The following MALRD1 variants were observed in gnomAD, a reference collection of about 807,000 sequenced individuals.
MALRD1 encodes the protein MAM and LDL receptor class A domain containing 1.
A neutral mutation model predicts 242.1 loss-of-function variants in MALRD1; 247 were observed. That is an observed-to-expected ratio of 1.02 (90% CI 0.92 to 1.13). The LOEUF is 1.13. Among genes scored for constraint, MALRD1 ranks in the 50% most tolerant of loss-of-function variants. MALRD1 has a pLI of 0.00. For missense variants in MALRD1, 2,989 were observed against 2,533.1 expected (o/e 1.18, Z -3.86); for synonymous variants, 995 against 866.6 (o/e 1.15, Z -2.60).
intron 26 of MALRD1, among the ~76,000 whole-genome samples, chr10:19,377,310 G>A (rs1845649640): frequency 6.6e-6 from 1 of 152,014 alleles, no homozygotes; most frequent in African/African-American, 2.4e-5. Context: ...TATATATTAA[G>A]TAAAAAATAA....
At chr10:19,210,189 T>C (rs549206303) in intron 18 of MALRD1, among the ~76,000 whole-genome samples, 2 of 152,376 alleles carry the variant, frequency 1.3e-5, no homozygotes, top group East Asian at 3.9e-4. Context: ...TTTCACCTGC[T>C]GTTTTCTAAA....
intron 18 of MALRD1, among the ~76,000 whole-genome samples, chr10:19,237,374 G>C (rs1838368018): frequency 6.7e-6 from 1 of 149,686 alleles, no homozygotes; most frequent in Non-Finnish European, 1.5e-5. Flanking sequence ...CCACATATGA[G>C]AGAGATCATG....
intron 28 of MALRD1, among the ~76,000 whole-genome samples, chr10:19,415,452 T>C (rs1833478991): frequency 1.3e-5 from 2 of 152,204 alleles, no homozygotes; most frequent in African/African-American, 4.8e-5. Flanking sequence ...TGATTTATCT[T>C]CATAAATAAT....
At chr10:19,386,054 A>G (rs1846058140) in intron 26 of MALRD1, among the ~76,000 whole-genome samples, 1 of 152,192 alleles carries the variant, frequency 6.6e-6, no homozygotes, top group Non-Finnish European at 1.5e-5. Flanking sequence ...GTTCAGGAAC[A>G]GCATAACACT....
intron 32 of MALRD1, 118 bp downstream of exon 32, chr10:19,531,469 A>G (rs543858993): frequency 2.1e-6 from 2 of 955,354 alleles, no homozygotes; most frequent in Admixed American, 3.3e-5. Context: ...GATGCCATTA[A>G]TTTCTCATTT....
chr10:19,114,281 T>A (rs1836793052), intron 5 of MALRD1, among the ~76,000 whole-genome samples: 1 of 152,226 alleles, frequency 6.6e-6, no homozygotes, highest in African/African-American at 2.4e-5. Context: ...TTTTGCCATA[T>A]TATAACAGAA....
intron 38 of MALRD1, among the ~76,000 whole-genome samples, chr10:19,712,219 G>A (rs1220689108): frequency 6.6e-6 from 1 of 152,142 alleles, no homozygotes; most frequent in African/African-American, 2.4e-5. Flanking sequence ...TGAAAAAACG[G>A]TGAGCAATTG....
intron 31 of MALRD1, among the ~76,000 whole-genome samples, chr10:19,499,578 C>A (rs1293067598): frequency 6.6e-6 from 1 of 152,140 alleles, no homozygotes; most frequent in Non-Finnish European, 1.5e-5. Flanking sequence ...GACTTGGCAG[C>A]CTTCATAATG....
chr10:19,247,404 G>A (rs1046849982), intron 18 of MALRD1, among the ~76,000 whole-genome samples: 5 of 151,836 alleles, frequency 3.3e-5, no homozygotes, highest in African/African-American at 1.2e-4. Flanking sequence ...GCTTCTGAAG[G>A]TATAAACCAC....
chr10:19,182,225 A>G (rs1032505592), intron 14 of MALRD1, among the ~76,000 whole-genome samples: 2 of 151,894 alleles, frequency 1.3e-5, no homozygotes, highest in Non-Finnish European at 2.9e-5. Context: ...CAAAACAAAT[A>G]TAAGAGGTAC....
chr10:19,294,743 A>G (rs1841610154), intron 21 of MALRD1, among the ~76,000 whole-genome samples: 1 of 152,164 alleles, frequency 6.6e-6, no homozygotes. Context: ...GGTAAAAACC[A>G]TACACTGTTA....
chr10:19,538,445 C>G (rs1392088142), intron 32 of MALRD1, among the ~76,000 whole-genome samples: 1 of 152,126 alleles, frequency 6.6e-6, no homozygotes, highest in African/African-American at 2.4e-5. Flanking sequence ...TTTCAGTTAC[C>G]TACTTACATG....
Position 19,595,047 on chromosome 10 carries a change from G to C in MALRD1, c.5681-147G>C, listed in dbSNP as rs568065141. Reference sequence around the variant, plus strand: ...GTATATTCTTGAATCAGGTTTGTAGGCATCATATTAATCCTAATTAGAAAT... The same window carrying C: ...GTATATTCTTGAATCAGGTTTGTAGCCATCATATTAATCCTAATTAGAAAT... On this transcript the variant is annotated intron_variant, in intron 33 of 39. Transcript: ENST00000454679. 8 of 719,666 alleles carry C rather than the reference G, an allele frequency of 1.1e-5. No individual in the cohort carries two copies. The South Asian group carries it at 1.3e-4, about 11-fold the overall frequency. 44.6% of individuals were successfully genotyped at this position (719,666 alleles called of 1,614,324 possible). A position where few individuals can be genotyped will look rare whatever the true frequency, so the allele number is the denominator to read the frequency against.
rs529029357 is a variant in MALRD1, at chr10:19,100,437, G to C, written c.598-3542G>C. ...ACAGCAAGAAAGTAATTTAAAAGCT[G>C]CTTCAGTAGTCCAGGGTGAGGAGAT... is the stretch of plus-strand genomic sequence containing the variant. On this transcript the variant is annotated intron_variant, in intron 4 of 39. Transcript: ENST00000454679. Among the ~76,000 whole-genome samples, 12 of 150,128 alleles carry C rather than the reference G, an allele frequency of 8.0e-5. 1 individual carries two copies. The South Asian group carries it at 2.1e-3, about 26-fold the overall frequency.
intron 4 of MALRD1, among the ~76,000 whole-genome samples, chr10:19,096,638 C>T (rs1277917539): frequency 1.3e-5 from 2 of 152,122 alleles, no homozygotes; most frequent in African/African-American, 2.4e-5. Flanking sequence ...ATAACTCACT[C>T]CTGAAAAGAT....
At chr10:19,428,541 G>A (rs1026617985) in intron 28 of MALRD1, among the ~76,000 whole-genome samples, 5 of 151,714 alleles carry the variant, frequency 3.3e-5, no homozygotes, top group African/African-American at 1.2e-4. Flanking sequence ...ACCACCACAG[G>A]AACTACTGAG....
At chr10:19,391,779 T>C (rs1331135847) in intron 28 of MALRD1, among the ~76,000 whole-genome samples, 1 of 152,222 alleles carries the variant, frequency 6.6e-6, no homozygotes, top group Non-Finnish European at 1.5e-5. Flanking sequence ...GAAATTATTC[T>C]AGTTCAACCA....
At chr10:19,625,986 G>A (rs1021080900) in intron 36 of MALRD1, among the ~76,000 whole-genome samples, 5 of 152,132 alleles carry the variant, frequency 3.3e-5, no homozygotes, top group Non-Finnish European at 7.4e-5. Flanking sequence ...ACACTGGACT[G>A]TTTTGCAAAG....
At chr10:19,453,113 T>C (rs1399527115) in intron 29 of MALRD1, among the ~76,000 whole-genome samples, 1 of 152,224 alleles carries the variant, frequency 6.6e-6, no homozygotes, top group African/African-American at 2.4e-5. Flanking sequence ...TCTCAAATGA[T>C]GCTTTATTGC....
Sources: gnomAD v4.1 joint callset for allele counts (sites outside exome capture counted in the v4.1 genomes callset) on GRCh38, gnomAD v4.1.1 for gene constraint, MANE v1.5 for transcripts, NCBI Gene and HGNC (gene_info 2026-07-23, HGNC 2026-07-21) for gene names.